The following RPL31 variants were observed in gnomAD, a reference collection of about 807,000 sequenced individuals.
RPL31 encodes large ribosomal subunit protein eL31.
For synonymous variants in RPL31, 51 were observed against 55.0 expected (o/e 0.93, Z 0.32); for missense variants, 95 against 164.0 (o/e 0.58, Z 2.30).
intron 4 of RPL31, chr2:101,017,869 C>T (rs1347006431): frequency 1.9e-6 from 3 of 1,550,716 alleles, no homozygotes; most frequent in African/African-American, 2.7e-5. Context: ...GTCTTCAAAA[C>T]GATGATCTCT....
At chr2:101,010,990 A>G, downstream of RPL31, 1 of 1,613,116 alleles carries the variant, frequency 6.2e-7, no homozygotes, top group Non-Finnish European at 8.5e-7. Context: ...ATCCTTAATC[A>G]TCTGCTTCAG....
exon 5 of RPL31, chr2:101,019,024 G>A (rs781326112): frequency 6.8e-6 from 11 of 1,611,916 alleles, no homozygotes; most frequent in East Asian, 4.5e-5. Flanking sequence ...TGTTACAGTC[G>A]CCAAGAGCCC....
intron 4 of RPL31, among the ~76,000 whole-genome samples, chr2:101,016,640 C>CACT (rs1195977786): frequency 8.0e-4 from 122 of 152,226 alleles, no homozygotes; most frequent in Non-Finnish European, 1.5e-3. Context: ...TTTATTGCGG[C>CACT]ACTATTCACA....
intron 3 of RPL31, chr2:101,005,510 A>G (rs1395844888): frequency 6.4e-6 from 1 of 157,252 alleles, no homozygotes; most frequent in South Asian, 1.8e-4. Context: ...GGGTTTTACC[A>G]TGTTGGCCAG....
At chr2:101,005,770 T>A in intron 3 of RPL31, 189 bp from the exon 4 acceptor site, 1 of 598,004 alleles carries the variant, frequency 1.7e-6, no homozygotes. Flanking sequence ...GCATCCCTCC[T>A]GTGGTAACAG....
At chr2:101,015,417 A>C (rs1016363608) in intron 4 of RPL31, among the ~76,000 whole-genome samples, 19 of 152,184 alleles carry the variant, frequency 1.2e-4, no homozygotes, top group African/African-American at 4.1e-4. Flanking sequence ...TTTTAAAAAT[A>C]TTCTTCTTCA....
exon 5 of RPL31, chr2:101,019,204 C>A (rs893341003): frequency 6.5e-6 from 5 of 772,676 alleles, no homozygotes; most frequent in Non-Finnish European, 1.0e-5. Context: ...CAACAAGGTA[C>A]TGATGTCTTC....
At chr2:101,011,295 G>A (rs777381398), downstream of RPL31, 38 of 788,052 alleles carry the variant, frequency 4.8e-5, no homozygotes, top group Non-Finnish European at 7.0e-5. Flanking sequence ...CCCACTAGGA[G>A]CACTTCTGTC....
chr2:101,019,087 TG>T, exon 5 of RPL31: 3 of 1,585,290 alleles, frequency 1.9e-6, no homozygotes, highest in Middle Eastern at 3.4e-4. Flanking sequence ...GGCTCTTCAT[TG>T]CTTCCTGAGC....
downstream of RPL31, among the ~76,000 whole-genome samples, chr2:101,011,904 C>T (rs762237828): frequency 6.6e-6 from 1 of 152,142 alleles, no homozygotes; most frequent in Non-Finnish European, 1.5e-5. Flanking sequence ...GAAATAAATA[C>T]ACTAAATCTC....
At chr2:101,008,274 C>A, downstream of RPL31, 1 of 1,517,782 alleles carries the variant, frequency 6.6e-7, no homozygotes, top group Non-Finnish European at 8.8e-7. Flanking sequence ...TAAATTCTCT[C>A]TGAAATTGAA....
At position 101,002,859 on chromosome 2, in the gene RPL31, T is replaced by C. The variant is rs2278723; in HGVS notation, c.107+51T>C. 885,134 of 1,363,574 alleles carry C rather than the reference T, an allele frequency of 0.65. 291,207 individuals are homozygous for C. Among genetic ancestry groups the C allele is most frequent in the Middle Eastern group, 0.7 (3,899 of 5,586 alleles). The allele number at this position is 1,363,574 out of a possible 1,614,324, so 84.5% of individuals were successfully genotyped here. On this transcript the variant is annotated intron_variant, in intron 2 of 4. Transcript: ENST00000264258. ...GTCTCGAACTCACGCGTCTGGTTGT[T>C]ACCGAGAGATGTGCCGAATCACCTC...
intron 4 of RPL31, among the ~76,000 whole-genome samples, chr2:101,015,176 C>T (rs1331606026): frequency 3.3e-5 from 5 of 152,042 alleles, no homozygotes; most frequent in African/African-American, 1.2e-4. Context: ...GCAGCTGGAA[C>T]ACAATGGTAG....
chr2:101,007,234 CAA>C lies in RPL31; in HGVS notation c.*857_*858del, dbSNP rs959270159. 1 of 152,284 alleles carries C rather than the reference CAA, an allele frequency of 6.6e-6. No homozygotes were observed. The highest frequency in any genetic ancestry group is 6.5e-5 in the Admixed American group (1 of 15,292). 9.4% of individuals were successfully genotyped at this position (152,284 alleles called of 1,614,324 possible). A position where few individuals can be genotyped will look rare whatever the true frequency, so the allele number is the denominator to read the frequency against. On this transcript the variant is annotated 3_prime_UTR_variant, in exon 5 of 5. Coordinates refer to ENST00000264258, the MANE Select transcript of RPL31 (RefSeq NM_000993.5). ...GTAAAAGAAAAGGACCAAGTAAATA[CAA>C]AAAGTTTCTTATTAAAAAACTTGGA...
intron 4 of RPL31, chr2:101,018,136 G>C (rs1378822075): frequency 7.7e-6 from 4 of 519,248 alleles, no homozygotes; most frequent in Non-Finnish European, 1.4e-5. Flanking sequence ...GAATAACAAA[G>C]CTTTCCCTCA....
At chr2:101,015,581 C>T (rs1412968465) in intron 4 of RPL31, among the ~76,000 whole-genome samples, 2 of 152,010 alleles carry the variant, frequency 1.3e-5, no homozygotes, top group African/African-American at 2.4e-5. Context: ...ATTTTTCTAT[C>T]AAAAAAATCT....
At chr2:101,016,718 T>TAA (rs1304027103) in intron 4 of RPL31, among the ~76,000 whole-genome samples, 3 of 152,168 alleles carry the variant, frequency 2.0e-5, no homozygotes, top group Admixed American at 6.5e-5. Flanking sequence ...ATGTGACACA[T>TAA]ATACACCATG....
downstream of RPL31, among the ~76,000 whole-genome samples, chr2:101,009,088 A>C (rs1678975145): frequency 1.3e-5 from 2 of 152,124 alleles, no homozygotes; most frequent in Non-Finnish European, 2.9e-5. Context: ...CAATTACTCC[A>C]AGAATAGAAA....
intron 4 of RPL31, chr2:101,018,105 CT>C: frequency 1.7e-6 from 1 of 590,630 alleles, no homozygotes. Context: ...CCAATCAACA[CT>C]TTTTCATATA....
Sources: allele counts gnomAD v4.1 joint callset (sites outside exome capture counted in the v4.1 genomes callset), GRCh38; gene constraint gnomAD v4.1.1; transcripts MANE v1.5; gene names NCBI Gene and HGNC (gene_info 2026-07-23, HGNC 2026-07-21).